ZBTB18: variants seen among roughly 807,000 people sequenced by gnomAD.
ZBTB18 encodes the protein zinc finger and BTB domain containing 18.
Under a neutral mutation model 37.7 loss-of-function variants are expected in ZBTB18, and 2 were observed. The ratio of observed to expected loss-of-function variants is 0.05; its 90% CI spans 0.02 to 0.17. The LOEUF is 0.17. ZBTB18 is among the 10% of genes least tolerant of loss of function. The pLI is 1.00. For missense variants in ZBTB18, 408 were observed against 686.3 expected (o/e 0.59, Z 4.53); for synonymous variants, 304 against 276.5 (o/e 1.10, Z -0.99).
At chr1:244,050,830 A>G (rs907567397), upstream of ZBTB18, among the ~76,000 whole-genome samples, 1 of 152,240 alleles carries the variant, frequency 6.6e-6, no homozygotes, top group East Asian at 1.9e-4. Context: ...AAGTGCGGTA[A>G]TAATGTTGAA....
In ZBTB18 at chr1:244,057,454, C is replaced by CA. The variant is rs1698500110; in HGVS notation, c.*2086dup. ...GAATTTTTAAACTGTGTGCTAACTG[C>CA]AATAAATTATATGAACTGAGAATTT... is the stretch of plus-strand genomic sequence containing the variant. On this transcript the variant is annotated 3_prime_UTR_variant, in exon 2 of 2. Transcript: ENST00000358704. 6.0e-6 allele frequency: 1 copy of CA among 166,134 alleles called. No homozygotes were observed. The highest frequency in any genetic ancestry group is 1.5e-5 in the Non-Finnish European group (1 of 68,100). 10.3% of individuals were successfully genotyped at this position (166,134 alleles called of 1,614,324 possible).
upstream of ZBTB18, among the ~76,000 whole-genome samples, chr1:244,049,173 G>A (rs1698298079): frequency 3.5e-5 from 5 of 144,542 alleles, no homozygotes; most frequent in South Asian, 1.1e-3. Context: ...AGCTGTTGGG[G>A]CGGCGGGGGG....
In ZBTB18 at chr1:244,051,421, T is replaced by TA; in HGVS notation, c.-9dup. The TA allele has an allele frequency of 1.9e-6, 3 of 1,614,184 alleles. No homozygotes were observed. The highest frequency in any genetic ancestry group is 2.5e-6 in the Non-Finnish European group (3 of 1,180,014). ...CCAGCAGGACTCAGAGGAAAGGACT[T>TA]AATCAGGTTTATGTGTCCTAAAGGT... On this transcript the variant is annotated 5_prime_UTR_variant, in exon 1 of 2. Transcript: ENST00000358704.
upstream of ZBTB18, among the ~76,000 whole-genome samples, chr1:244,048,570 C>T (rs1396114149): frequency 6.8e-6 from 1 of 147,384 alleles, no homozygotes; most frequent in African/African-American, 2.5e-5. Flanking sequence ...TGGCCGGCGC[C>T]GCCGCGTGCG....
chr1:244,051,407 CAG>C lies in ZBTB18; in HGVS notation c.-22_-21del. On this transcript the variant is annotated 5_prime_UTR_variant, in exon 1 of 2. Coordinates refer to ENST00000358704, the MANE Select transcript of ZBTB18 (RefSeq NM_205768.3). ...TAACAGACCTGGAGCCAGCAGGACT[CAG>C]AGGAAAGGACTTAATCAGGTTTATG... The C allele has an allele frequency of 6.2e-7, 1 of 1,613,940 alleles. No individual in the cohort carries two copies. The highest frequency in any genetic ancestry group is 8.5e-7 in the Non-Finnish European group (1 of 1,179,926).
At position 244,054,375 on chromosome 1, in the gene ZBTB18, G is replaced by A. The variant is rs1209482862; in HGVS notation, c.601G>A (p.Ala201Thr). The A allele has an allele frequency of 6.2e-7, 1 of 1,614,212 alleles. No individual in the cohort carries two copies. The highest frequency in any genetic ancestry group is 1.7e-5 in the Admixed American group (1 of 60,024). Residue 201 changes from alanine to threonine, a missense_variant, in exon 2 of 2, where the codon GCA becomes ACA. Ala to Thr is a moderately conservative substitution (Grantham distance 58). Transcript: ENST00000358704. This position sits in a 1 kb window ranked among gnomAD's most constrained non-coding sequence, Gnocchi z 9.0. Reference sequence around the variant, plus strand: ...GTGGATGCGATTGCCCTCAGACTCAGCAGGCATCCCCCAGGCTGGCGGAGA... The same window carrying A: ...GTGGATGCGATTGCCCTCAGACTCAACAGGCATCCCCCAGGCTGGCGGAGA... ...NMWMRLPSDSAGIPQAGGEAE... is the reference protein window; with the variant it reads ...NMWMRLPSDSTGIPQAGGEAE...
rs1399207511 is a variant in ZBTB18 at position 244,054,678 on chromosome 1, G to A, written c.904G>A (p.Glu302Lys). Reference sequence around the variant, plus strand: ...TGTTGGCACTAATGACTATGACATGGAACATAGCACTGTGAAAGAAAGTGT... The same window carrying A: ...TGTTGGCACTAATGACTATGACATGAAACATAGCACTGTGAAAGAAAGTGT... ...SDVGTNDYDMEHSTVKESVST... is the reference protein window; with the variant it reads ...SDVGTNDYDMKHSTVKESVST... The change falls in exon 2 of 2, where the codon GAA (glutamate) becomes AAA (lysine). Residue 302 changes from glutamate (E) to lysine (K), a missense_variant. By Grantham distance (56) the Glu-to-Lys change is moderately conservative (BLOSUM62 1). Transcript: ENST00000358704. This position sits in a 1 kb window ranked among gnomAD's most constrained non-coding sequence, Gnocchi z 9.0. 4 of 1,614,216 alleles carry A rather than the reference G, an allele frequency of 2.5e-6. No homozygotes were observed. The highest frequency in any genetic ancestry group is 3.4e-6 in the Non-Finnish European group (4 of 1,180,038).
chr1:244,052,378 T>A (rs907016757), intron 1 of ZBTB18, among the ~76,000 whole-genome samples: 1 of 152,280 alleles, frequency 6.6e-6, no homozygotes, highest in Non-Finnish European at 1.5e-5. Context: ...CTTAGTTTAT[T>A]CTAGCAGTGG....
rs1558148875 is a variant in ZBTB18, at chr1:244,053,966, C to T, written c.192C>T (p.Asp64=). The change falls in exon 2 of 2, where the codon GAC becomes GAT. Residue 64 remains aspartate, a synonymous_variant. Transcript: ENST00000358704. The surrounding 1 kb of genome is among the most constrained non-coding windows in gnomAD (Gnocchi z 5.2). Reference sequence around the variant, plus strand: ...TGTATTTCCACCTCTTTTACAAGGACCAGCTGGACAAAAGAGACATTGTTC... The same window carrying T: ...TGTATTTCCACCTCTTTTACAAGGATCAGCTGGACAAAAGAGACATTGTTC... ...CSMYFHLFYK[D]QLDKRDIVHL... is the part of the protein sequence containing the mutation. The T allele has an allele frequency of 1.2e-6, 2 of 1,614,124 alleles. No individual in the cohort carries two copies. The highest frequency in any genetic ancestry group is 3.3e-5 in the Admixed American group (2 of 60,016).
upstream of ZBTB18, among the ~76,000 whole-genome samples, chr1:244,049,677 C>T (rs1233861019): frequency 6.6e-6 from 1 of 152,204 alleles, no homozygotes; most frequent in Non-Finnish European, 1.5e-5. Context: ...CACCTCCTTC[C>T]CTGTGGTTTT....
upstream of ZBTB18, among the ~76,000 whole-genome samples, chr1:244,050,794 CATT>C (rs1698332277): frequency 6.6e-6 from 1 of 152,070 alleles, no homozygotes; most frequent in African/African-American, 2.4e-5. Flanking sequence ...ACATGTATAC[CATT>C]ATCTCAGCAG....
In ZBTB18 at chr1:244,054,709, C is replaced by G. The variant is rs755961787; in HGVS notation, c.935C>G (p.Thr312Ser). 2 of 1,614,022 alleles carry G rather than the reference C, an allele frequency of 1.2e-6. No individual in the cohort carries two copies. Among genetic ancestry groups the G allele is most frequent in the Non-Finnish European group, 1.7e-6 (2 of 1,180,042 alleles). ...EHSTVKESVSTNNRVQYEPAH... is the reference protein window; with the variant it reads ...EHSTVKESVSSNNRVQYEPAH... ...AGCACTGTGAAAGAAAGTGTGAGCA[C>G]TAATAACAGGGTACAGTATGAGCCG... Residue 312 changes from threonine to serine, a missense_variant, in exon 2 of 2, where the codon ACT becomes AGT. Around this residue, in one of 4 missense-constraint regions of ZBTB18, gnomAD observed 266 missense variants for 312.0 expected, o/e 0.85. Transcript: ENST00000358704. This position sits in a 1 kb window ranked among gnomAD's most constrained non-coding sequence, Gnocchi z 9.0.
Position 244,051,356 on chromosome 1 carries a change from C to T in ZBTB18, c.-76C>T, listed in dbSNP as rs572604747. The T allele has an allele frequency of 2.3e-4, 351 of 1,554,710 alleles. 1 individual carries two copies. The highest frequency in any genetic ancestry group is 6.7e-4 in the Middle Eastern group (4 of 5,936). On this transcript the variant is annotated 5_prime_UTR_variant, in exon 1 of 2. Coordinates refer to ENST00000358704, the MANE Select transcript of ZBTB18 (RefSeq NM_205768.3). ...TCATCTCCACTTTGCATCTGTCTCT[C>T]TTAGTCTGCTTTTTTTCCACCGATG...
At chr1:244,050,800 C>T (rs1321915625), upstream of ZBTB18, among the ~76,000 whole-genome samples, 2 of 152,116 alleles carry the variant, frequency 1.3e-5, no homozygotes, top group Admixed American at 6.5e-5. Context: ...ATACCATTAT[C>T]TCAGCAGAAA....
upstream of ZBTB18, among the ~76,000 whole-genome samples, chr1:244,049,148 AGTTT>A (rs1045817898): frequency 3.2e-5 from 4 of 125,562 alleles, no homozygotes; most frequent in African/African-American, 1.2e-4. Flanking sequence ...GAGTGGAGTT[AGTTT>A]GTGTGGTTGG....
intron 1 of ZBTB18, among the ~76,000 whole-genome samples, chr1:244,052,388 G>T (rs950636967): frequency 6.6e-6 from 1 of 152,200 alleles, no homozygotes; most frequent in East Asian, 1.9e-4. Context: ...TCTAGCAGTG[G>T]CATCTTGCAG....
intron 1 of ZBTB18, among the ~76,000 whole-genome samples, chr1:244,052,819 T>TA (rs532320081): frequency 2.4e-4 from 36 of 150,808 alleles, no homozygotes; most frequent in Non-Finnish European, 3.1e-4. Flanking sequence ...TAAAAAGGCT[T>TA]AAAAAAAAAC....
rs1698393295 is a variant in ZBTB18, at chr1:244,053,541, G to A, written c.14-247G>A. The stretch of plus-strand genomic sequence containing the variant: ...TTAAAGGAAGGCTTTTAGAACTTGG[G>A]TTCAAGGAAGATGGAGATGCGTCGG... On this transcript the variant is annotated intron_variant, in intron 1 of 1. Transcript: ENST00000358704. The surrounding 1 kb of genome is among the most constrained non-coding windows in gnomAD (Gnocchi z 5.2). 6.6e-6 allele frequency among the ~76,000 whole-genome samples: 1 copy of A among 152,176 alleles called. No individual in the cohort carries two copies. The highest frequency in any genetic ancestry group is 2.1e-4 in the South Asian group (1 of 4,834).
upstream of ZBTB18, among the ~76,000 whole-genome samples, chr1:244,050,084 A>G (rs1442317143): frequency 1.3e-5 from 2 of 152,202 alleles, no homozygotes; most frequent in Non-Finnish European, 2.9e-5. Context: ...TAGGTTTGTG[A>G]CTTTGGGAAA....
Sources: allele counts gnomAD v4.1 joint callset (sites outside exome capture counted in the v4.1 genomes callset), GRCh38; gene constraint gnomAD v4.1.1; regional missense constraint gnomAD v4.1.1; non-coding constraint Gnocchi (gnomAD v3.1); transcripts MANE v1.5; gene names NCBI Gene and HGNC (gene_info 2026-07-23, HGNC 2026-07-21).